SCFD2: variants seen among roughly 807,000 people sequenced by gnomAD.
SCFD2 encodes sec1 family domain containing 2, also known as sec1 family domain-containing protein 2.
SCFD2 carries 54 observed loss-of-function variants against 58.9 expected under a neutral mutation model. The observed-to-expected ratio is 0.92, with a 90% CI of 0.74 to 1.15. The LOEUF (loss-of-function observed/expected upper bound fraction) is 1.15. Ranked by LOEUF, SCFD2 falls within the 50% of genes most tolerant of loss-of-function variation. The pLI, the probability that SCFD2 is intolerant of heterozygous loss-of-function variation, is 0.00. For synonymous variants in SCFD2, 321 were observed against 335.9 expected (o/e 0.96, Z 0.49); for missense variants, 805 against 836.6 (o/e 0.96, Z 0.47).
intron 5 of SCFD2, among the ~76,000 whole-genome samples, chr4:52,969,301 G>A (rs188119090): frequency 6.6e-6 from 1 of 152,268 alleles, no homozygotes; most frequent in East Asian, 1.9e-4. Context: ...CTTCCTTACT[G>A]TGCTTTAGTA....
At chr4:53,149,543 AC>A (rs1378863522) in intron 4 of SCFD2, among the ~76,000 whole-genome samples, 2 of 152,352 alleles carry the variant, frequency 1.3e-5, no homozygotes, top group Non-Finnish European at 2.9e-5. Context: ...CTATGTAGAT[AC>A]TTTTACCTTC....
At chr4:53,121,690 T>C (rs1725483104) in intron 5 of SCFD2, among the ~76,000 whole-genome samples, 1 of 152,210 alleles carries the variant, frequency 6.6e-6, no homozygotes, top group African/African-American at 2.4e-5. Context: ...GCAATCAGAA[T>C]AGTGTCCTGC....
chr4:53,107,503 A>T (rs1462700156), intron 5 of SCFD2, among the ~76,000 whole-genome samples: 1 of 152,234 alleles, frequency 6.6e-6, no homozygotes, highest in Non-Finnish European at 1.5e-5. Context: ...AAAGACACTC[A>T]CAGGCTCAAA....
At chr4:53,053,585 C>A (rs12331600) in intron 5 of SCFD2, among the ~76,000 whole-genome samples, 5,388 of 152,158 alleles carry the variant, frequency 0.035, 317 homozygotes, top group African/African-American at 0.12. Context: ...TCAGCACTTG[C>A]GCACTGTGCT....
Position 53,058,428 on chromosome 4 carries a change from C to T in SCFD2, c.1561+86905G>A, listed in dbSNP as rs150221676. On this transcript the variant is annotated intron_variant, in intron 5 of 8. Coordinates refer to ENST00000401642, the MANE Select transcript of SCFD2 (RefSeq NM_152540.4). Reference sequence around the variant, plus strand: ...TTAGCTTCAAATACATATAATGTCTCGGGGAAAGTAGCCATTTTAAGTATA... The same window carrying T: ...TTAGCTTCAAATACATATAATGTCTTGGGGAAAGTAGCCATTTTAAGTATA... Among the ~76,000 whole-genome samples, 299 of 151,950 alleles carry T rather than the reference C, an allele frequency of 2.0e-3. 2 individuals are homozygous for T. Among genetic ancestry groups the T allele is most frequent in the African/African-American group, 5.7e-3 (235 of 41,450 alleles).
chr4:53,065,109 A>G (rs1249913507), intron 5 of SCFD2, among the ~76,000 whole-genome samples: 1 of 152,142 alleles, frequency 6.6e-6, no homozygotes, highest in Non-Finnish European at 1.5e-5. Flanking sequence ...AACTCCAGTC[A>G]TGACAGCAGA....
At chr4:52,920,633 T>C (rs1719711014) in intron 6 of SCFD2, 92 bp downstream of exon 6, 2 of 893,870 alleles carry the variant, frequency 2.2e-6, no homozygotes, top group East Asian at 5.7e-5. Context: ...CCTTTGGTTT[T>C]AGGAAGGTTA....
At chr4:53,039,946 A>G (rs1722853791) in intron 5 of SCFD2, among the ~76,000 whole-genome samples, 1 of 152,142 alleles carries the variant, frequency 6.6e-6, no homozygotes. Flanking sequence ...TATCTTTGGA[A>G]TCACTTATTT....
intron 4 of SCFD2, among the ~76,000 whole-genome samples, chr4:53,215,476 G>C (rs1010879955): frequency 1.3e-5 from 2 of 152,124 alleles, no homozygotes; most frequent in African/African-American, 2.4e-5. Context: ...GAATGCTTGT[G>C]ATTTTTGCAC....
At chr4:53,102,186 T>C (rs967004854) in intron 5 of SCFD2, among the ~76,000 whole-genome samples, 7 of 152,194 alleles carry the variant, frequency 4.6e-5, no homozygotes, top group African/African-American at 1.7e-4. Context: ...TAATAAGTGC[T>C]GTTGGGACAA....
intron 5 of SCFD2, among the ~76,000 whole-genome samples, chr4:53,052,634 C>T (rs1468961334): frequency 1.3e-5 from 2 of 152,168 alleles, no homozygotes; most frequent in Non-Finnish European, 2.9e-5. Flanking sequence ...CAGTCTTCAA[C>T]TTAAACCCCA....
At chr4:53,193,382 T>C (rs1273823486) in intron 4 of SCFD2, among the ~76,000 whole-genome samples, 1 of 152,134 alleles carries the variant, frequency 6.6e-6, no homozygotes, top group Admixed American at 6.5e-5. Flanking sequence ...AGAATACAAG[T>C]ATATTCTGGT....
chr4:53,047,591 T>A (rs1015299337), intron 5 of SCFD2, among the ~76,000 whole-genome samples: 1 of 152,210 alleles, frequency 6.6e-6, no homozygotes, highest in African/African-American at 2.4e-5. Context: ...TGCACACACA[T>A]GTACACACAT....
At chr4:52,931,832 T>C (rs1720003333) in intron 5 of SCFD2, among the ~76,000 whole-genome samples, 1 of 152,190 alleles carries the variant, frequency 6.6e-6, no homozygotes, top group Non-Finnish European at 1.5e-5. Flanking sequence ...AGGAAGCATA[T>C]CTGATGTGCC....
chr4:52,964,488 G>A (rs1001517529), intron 5 of SCFD2, among the ~76,000 whole-genome samples: 3 of 152,058 alleles, frequency 2.0e-5, no homozygotes, highest in East Asian at 1.9e-4. Flanking sequence ...CTTTTCCAAC[G>A]GCCCTGTCAG....
At chr4:53,267,196 G>GTC (rs1315499668) in intron 4 of SCFD2, among the ~76,000 whole-genome samples, 1 of 152,088 alleles carries the variant, frequency 6.6e-6, no homozygotes, top group African/African-American at 2.4e-5. Context: ...GTGGAAATGA[G>GTC]TCTCCCAAGA....
chr4:53,354,533 C>T (rs995554771), intron 1 of SCFD2, among the ~76,000 whole-genome samples: 6 of 152,192 alleles, frequency 3.9e-5, no homozygotes, highest in Non-Finnish European at 7.3e-5. Flanking sequence ...CACAGTGCAG[C>T]GGCAGGCTAA....
chr4:53,259,854 G>T (rs1730776027), intron 4 of SCFD2, among the ~76,000 whole-genome samples: 1 of 152,072 alleles, frequency 6.6e-6, no homozygotes, highest in Non-Finnish European at 1.5e-5. Context: ...CATGAGCATG[G>T]GATGTCTTTC....
At chr4:53,268,684 C>A (rs917924018) in intron 4 of SCFD2, among the ~76,000 whole-genome samples, 1 of 152,012 alleles carries the variant, frequency 6.6e-6, no homozygotes, top group Non-Finnish European at 1.5e-5. Flanking sequence ...ATGAAGAAGG[C>A]AGAGGCAGGG....
Sources: gnomAD v4.1 joint callset for allele counts (sites outside exome capture counted in the v4.1 genomes callset) on GRCh38, gnomAD v4.1.1 for gene constraint, MANE v1.5 for transcripts, NCBI Gene and HGNC (gene_info 2026-07-23, HGNC 2026-07-21) for gene names.